The following PCED1B variants were observed in gnomAD, a reference collection of about 807,000 sequenced individuals.
PCED1B encodes PC-esterase domain containing 1B, also known as PC-esterase domain-containing protein 1B.
For missense variants in PCED1B, 573 were observed against 573.9 expected (o/e 1.00, Z 0.02); for synonymous variants, 251 against 246.1 (o/e 1.02, Z -0.19).
At chr12:47,202,594 T>TAAAAAAAAAA (rs60769675) in intron 2 of PCED1B, among the ~76,000 whole-genome samples, 7 of 66,642 alleles carry the variant, frequency 1.1e-4, no homozygotes, top group East Asian at 3.3e-4. Flanking sequence ...TAGACATTAG[T>TAAAAAAAAAA]AAAAAAAAAA....
intron 2 of PCED1B, among the ~76,000 whole-genome samples, chr12:47,188,312 A>C (rs1037654007): frequency 1.1e-4 from 17 of 152,184 alleles, no homozygotes; most frequent in African/African-American, 4.1e-4. Context: ...GCTGGAACTC[A>C]TAGGGATCAA....
intron 2 of PCED1B, among the ~76,000 whole-genome samples, chr12:47,170,109 T>G (rs549778576): frequency 6.6e-6 from 1 of 151,994 alleles, no homozygotes; most frequent in Admixed American, 6.6e-5. Flanking sequence ...TTAAGGAGCA[T>G]GCTGCCTTCA....
intron 2 of PCED1B, among the ~76,000 whole-genome samples, chr12:47,201,363 G>A (rs1942758392): frequency 6.6e-6 from 1 of 152,180 alleles, no homozygotes; most frequent in South Asian, 2.1e-4. Flanking sequence ...ATTCTTGGAT[G>A]TGCTGGGAGT....
At chr12:47,202,972 CTT>C (rs59472089) in intron 2 of PCED1B, among the ~76,000 whole-genome samples, 1 of 142,672 alleles carries the variant, frequency 7.0e-6, no homozygotes. Flanking sequence ...TCTTTTCTTT[CTT>C]TTTTTTTTTT....
intron 1 of PCED1B, among the ~76,000 whole-genome samples, chr12:47,082,713 C>T (rs2137135405): frequency 6.6e-6 from 1 of 152,282 alleles, no homozygotes; most frequent in South Asian, 2.1e-4. Flanking sequence ...TGGTAAACAA[C>T]TGTGTTCCAA....
intron 3 of PCED1B, among the ~76,000 whole-genome samples, chr12:47,224,795 G>A (rs930920122): frequency 2.2e-4 from 34 of 152,276 alleles, no homozygotes; most frequent in Middle Eastern, 3.4e-3. Flanking sequence ...GTAGATAGAC[G>A]CAGGGCTCTC....
chr12:47,100,551 G>A (rs994139962), intron 1 of PCED1B, among the ~76,000 whole-genome samples: 1 of 151,938 alleles, frequency 6.6e-6, no homozygotes, highest in Non-Finnish European at 1.5e-5. Flanking sequence ...CTTTGTTTTG[G>A]TTCAGATTTC....
chr12:47,087,588 G>A (rs930005323), intron 1 of PCED1B, among the ~76,000 whole-genome samples: 3 of 152,032 alleles, frequency 2.0e-5, no homozygotes, highest in Admixed American at 2.0e-4. Flanking sequence ...GATATAAGGT[G>A]GTATAGAATT....
intron 3 of PCED1B, among the ~76,000 whole-genome samples, chr12:47,222,760 A>G (rs1388078073): frequency 8.2e-6 from 1 of 121,306 alleles, no homozygotes; most frequent in Non-Finnish European, 1.7e-5. Context: ...AGGGCTAGTA[A>G]GCAGTGGAGC....
intron 2 of PCED1B, among the ~76,000 whole-genome samples, chr12:47,201,846 C>T (rs1387635174): frequency 6.6e-6 from 1 of 152,068 alleles, no homozygotes; most frequent in African/African-American, 2.4e-5. Context: ...GTGTTCTGCC[C>T]ACCTCGGCCT....
intron 2 of PCED1B, among the ~76,000 whole-genome samples, chr12:47,191,914 T>C (rs1942453013): frequency 6.6e-6 from 1 of 152,090 alleles, no homozygotes; most frequent in African/African-American, 2.4e-5. Context: ...TCAGACATCA[T>C]TTTCTTTAGA....
At chr12:47,119,618 G>A (rs919731789) in intron 2 of PCED1B, among the ~76,000 whole-genome samples, 1 of 151,998 alleles carries the variant, frequency 6.6e-6, no homozygotes, top group African/African-American at 2.4e-5. Flanking sequence ...CATAAAATGG[G>A]AGACAGTGTT....
rs1331999367 is a variant in PCED1B at position 47,092,238 on chromosome 12, A to G, written c.-608-11875A>G. On this transcript the variant is annotated intron_variant, in intron 1 of 3. Transcript: ENST00000546455. ...CTCAATAATATTTTAGTTTTCAGTTAGAGATCTTGCACATCTTTAATTAGA... is the reference window on the plus strand; with the variant it reads ...CTCAATAATATTTTAGTTTTCAGTTGGAGATCTTGCACATCTTTAATTAGA... Among the ~76,000 whole-genome samples, 3 of 152,050 alleles carry G rather than the reference A, an allele frequency of 2.0e-5. No homozygotes were observed. In the East Asian group the frequency reaches 5.8e-4, roughly 29 times the overall value.
intron 2 of PCED1B, among the ~76,000 whole-genome samples, chr12:47,199,674 A>C (rs758478843): frequency 7.9e-5 from 12 of 152,232 alleles, no homozygotes; most frequent in Non-Finnish European, 1.2e-4. Context: ...ATGCAAAATA[A>C]GAAAAAAGTT....
intron 3 of PCED1B, among the ~76,000 whole-genome samples, chr12:47,217,697 C>G (rs1408910406): frequency 2.6e-5 from 4 of 152,210 alleles, no homozygotes; most frequent in Middle Eastern, 3.4e-3. Flanking sequence ...GTGCCTCAGC[C>G]TCCCAAGTAG....
intron 2 of PCED1B, among the ~76,000 whole-genome samples, chr12:47,115,617 A>G (rs2137281143): frequency 6.6e-6 from 1 of 152,262 alleles, no homozygotes; most frequent in South Asian, 2.1e-4. Context: ...TCAGATTAGA[A>G]AATAATTTGT....
chr12:47,170,644 C>A (rs1201990296), intron 2 of PCED1B, among the ~76,000 whole-genome samples: 1 of 152,220 alleles, frequency 6.6e-6, no homozygotes, highest in Non-Finnish European at 1.5e-5. Flanking sequence ...TTGTCCATTT[C>A]ATTTTTCAGT....
At chr12:47,119,076 A>G (rs898450904) in intron 2 of PCED1B, among the ~76,000 whole-genome samples, 2 of 152,218 alleles carry the variant, frequency 1.3e-5, no homozygotes, top group African/African-American at 4.8e-5. Flanking sequence ...GTCTAGAAAT[A>G]AATCCACATG....
intron 2 of PCED1B, among the ~76,000 whole-genome samples, chr12:47,184,337 T>C (rs1444183903): frequency 6.6e-6 from 1 of 151,148 alleles, no homozygotes; most frequent in Non-Finnish European, 1.5e-5. Flanking sequence ...GAAGGGGAGG[T>C]GGTTTGATTT....
Sources: gnomAD v4.1 joint callset for allele counts (sites outside exome capture counted in the v4.1 genomes callset) on GRCh38, gnomAD v4.1.1 for gene constraint, MANE v1.5 for transcripts, NCBI Gene and HGNC (gene_info 2026-07-23, HGNC 2026-07-21) for gene names.